The following VSIG10L2 variants were observed in gnomAD, a reference collection of about 807,000 sequenced individuals.
VSIG10L2 encodes V-set and immunoglobulin domain-containing protein 10-like 2.
A neutral mutation model predicts 67.1 loss-of-function variants in VSIG10L2; 56 were observed. The ratio of observed to expected loss-of-function variants is 0.83; its 90% CI spans 0.67 to 1.04. VSIG10L2 has a LOEUF of 1.04. VSIG10L2 is among the 50% of genes least tolerant of loss of function. VSIG10L2 has a pLI of 0.00. For synonymous variants in VSIG10L2, 360 were observed against 396.6 expected (o/e 0.91, Z 1.10); for missense variants, 843 against 932.8 (o/e 0.90, Z 1.25).
chr11:125,948,325 G>A lies in VSIG10L2; in HGVS notation c.454G>A (p.Val152Met). 1 of 1,232,626 alleles carries A rather than the reference G, an allele frequency of 8.1e-7. No homozygotes were observed. Among genetic ancestry groups the A allele is most frequent in the Non-Finnish European group, 1.0e-6 (1 of 988,342 alleles). 76.4% of individuals were successfully genotyped at this position (1,232,626 alleles called of 1,614,324 possible). ...AVLVPVSKPQ[V>M]RLSNPSPVEG... ...GCCAGTGCCGGTGTCCAAGCCTCAAGTGCGACTGAGTAACCCGTCCCCTGT... is the reference window on the plus strand; with the variant it reads ...GCCAGTGCCGGTGTCCAAGCCTCAAATGCGACTGAGTAACCCGTCCCCTGT... Residue 152 changes from valine to methionine, a missense_variant, in exon 3 of 12, where the codon GTG (valine) becomes ATG (methionine). Val to Met is a conservative substitution (Grantham distance 21). This residue lies in a region of VSIG10L2 where 446 missense variants were observed against 548.4 expected (regional missense o/e 0.81). Transcript: ENST00000686984.
chr11:125,949,502 A>G (rs1945337476), intron 3 of VSIG10L2, among the ~76,000 whole-genome samples: 1 of 152,110 alleles, frequency 6.6e-6, no homozygotes, highest in Non-Finnish European at 1.5e-5. Context: ...AGCAGACTGG[A>G]AGTAGGCAAA....
intron 11 of VSIG10L2, 62 bp from the exon 12 acceptor site, chr11:125,955,755 T>C: frequency 8.8e-7 from 1 of 1,138,578 alleles, no homozygotes; most frequent in Admixed American, 2.0e-5. Flanking sequence ...TCTTGAGCTC[T>C]GGGAACACTT....
chr11:125,948,967 T>C (rs1000181197), intron 3 of VSIG10L2, among the ~76,000 whole-genome samples: 25 of 152,150 alleles, frequency 1.6e-4, no homozygotes, highest in African/African-American at 5.8e-4. Context: ...AGCCTGAAGT[T>C]AGAAGTCAGG....
intron 11 of VSIG10L2, 21 bp from the exon 12 acceptor site, chr11:125,955,796 G>C (rs528992814): frequency 1.2e-6 from 1 of 841,680 alleles, no homozygotes; most frequent in Non-Finnish European, 1.9e-6. Flanking sequence ...TCTGTTCTTT[G>C]CCCACATATG....
Position 125,951,810 on chromosome 11 carries a change from C to A in VSIG10L2, c.1235-3C>A. On this transcript the variant is annotated splice_region_variant and splice_polypyrimidine_tract_variant and intron_variant, in intron 5 of 11. Transcript: ENST00000686984. ...GGCCATACTGAGCCATCATTCCTTC[C>A]AGGGGAGCCTCTCGGGAGGCCTACC... 6.7e-7 allele frequency: 1 copy of A among 1,493,570 alleles called. No homozygotes were observed. 92.5% of individuals were successfully genotyped at this position (1,493,570 alleles called of 1,614,324 possible). A position where few individuals can be genotyped will look rare whatever the true frequency, so the allele number is the denominator to read the frequency against.
At chr11:125,950,710 G>T (rs988616650) in intron 4 of VSIG10L2, among the ~76,000 whole-genome samples, 200 bp from the exon 5 acceptor site, 1 of 152,012 alleles carries the variant, frequency 6.6e-6, no homozygotes, top group Non-Finnish European at 1.5e-5. Context: ...CTGTACACTC[G>T]GTAACCTCCT....
At chr11:125,950,500 GA>G (rs1364254589) in intron 4 of VSIG10L2, among the ~76,000 whole-genome samples, 1 of 152,084 alleles carries the variant, frequency 6.6e-6, no homozygotes, top group Non-Finnish European at 1.5e-5. Context: ...AAGGGGAAGG[GA>G]GGGGGAAGCT....
Position 125,947,842 on chromosome 11 carries a change from T to G in VSIG10L2, c.239T>G (p.Val80Gly). Residue 80 changes from valine (V) to glycine (G), a missense_variant, in exon 2 of 12, where the codon GTG becomes GGG. Transcript: ENST00000686984. ...CTGGGCTCCCTGGTTCCCCGGCCTG[T>G]GGCCGTCACCGATGGAGCCATGTCC... Reference protein sequence around the residue: ...TPLGSLVPRPVAVTDGAMSKV... With the variant: ...TPLGSLVPRPGAVTDGAMSKV... 2 of 1,232,356 alleles carry G rather than the reference T, an allele frequency of 1.6e-6. No homozygotes were observed. The highest frequency in any genetic ancestry group is 2.0e-6 in the Non-Finnish European group (2 of 988,118). 76.3% of individuals were successfully genotyped at this position (1,232,356 alleles called of 1,614,324 possible).
rs1456344767 is a variant in VSIG10L2 at position 125,955,061 on chromosome 11, C to A, written c.2088C>A (p.Asp696Glu). ...GHPSEVKIPA[D>E]PPFSAYPAVL... ...ACCTGTGCTCTCCCCTCCTAGCGGACCCCCCCTTCAGCGCCTACCCAGCGG... is the reference window on the plus strand; with the variant it reads ...ACCTGTGCTCTCCCCTCCTAGCGGAACCCCCCTTCAGCGCCTACCCAGCGG... The change falls in exon 9 of 12, where the codon GAC (aspartate) becomes GAA (glutamate). Residue 696 changes from aspartate to glutamate, a missense_variant. By Grantham distance (45) the Asp-to-Glu change is conservative (BLOSUM62 2). Transcript: ENST00000686984. The A allele has an allele frequency of 7.3e-6, 9 of 1,234,348 alleles. No homozygotes were observed. Among genetic ancestry groups the A allele is most frequent in the African/African-American group, 4.7e-5 (3 of 64,408 alleles). 76.5% of individuals were successfully genotyped at this position (1,234,348 alleles called of 1,614,324 possible). A position where few individuals can be genotyped will look rare whatever the true frequency, so the allele number is the denominator to read the frequency against.
Position 125,951,836 on chromosome 11 carries a change from T to G in VSIG10L2, c.1258T>G (p.Cys420Gly). 6.6e-7 allele frequency: 1 copy of G among 1,517,648 alleles called. No homozygotes were observed. Among genetic ancestry groups the G allele is most frequent in the Non-Finnish European group, 8.8e-7 (1 of 1,135,386 alleles). 94.0% of individuals were successfully genotyped at this position (1,517,648 alleles called of 1,614,324 possible). ...AGGGGAGCCTCTCGGGAGGCCTACC[T>G]GCTGGAGCACAGCCACAATGGGGGA... ...MLWEPLGRPTCWSTATMGDQF... is the reference protein window; with the variant it reads ...MLWEPLGRPTGWSTATMGDQF... Residue 420 changes from cysteine to glycine, a missense_variant, in exon 6 of 12, where the codon TGC (cysteine) becomes GGC (glycine). Cys to Gly is a radical substitution (Grantham distance 159). This residue lies in a region of VSIG10L2 where 446 missense variants were observed against 548.4 expected (regional missense o/e 0.81). Coordinates refer to ENST00000686984, the MANE Select transcript of VSIG10L2 (RefSeq NM_001365077.2).
chr11:125,955,629 A>G lies in VSIG10L2; in HGVS notation c.2246A>G (p.Gln749Arg), dbSNP rs756692832. The G allele has an allele frequency of 1.4e-5, 22 of 1,531,052 alleles. No homozygotes were observed. The highest frequency in any genetic ancestry group is 6.9e-5 in the African/African-American group (5 of 72,970). 94.8% of individuals were successfully genotyped at this position (1,531,052 alleles called of 1,614,324 possible). A position where few individuals can be genotyped will look rare whatever the true frequency, so the allele number is the denominator to read the frequency against. Residue 749 changes from glutamine (Q) to arginine (R), a missense_variant, in exon 11 of 12, where the codon CAA (glutamine) becomes CGA (arginine). Around this residue, in one of 2 missense-constraint regions of VSIG10L2, gnomAD observed 397 missense variants for 384.4 expected, o/e 1.03. Transcript: ENST00000686984. ...QLLVPTEQRH[Q>R]QRGSREDAEA... ...TTCACTCTCAGGGAGCAAAGGCACCAACAGAGGGGTTCCAGAGAAGATGCT... is the reference window on the plus strand; with the variant it reads ...TTCACTCTCAGGGAGCAAAGGCACCGACAGAGGGGTTCCAGAGAAGATGCT...
At chr11:125,952,716 T>C (rs574339140) in intron 6 of VSIG10L2, among the ~76,000 whole-genome samples, 14 of 152,368 alleles carry the variant, frequency 9.2e-5, no homozygotes, top group African/African-American at 3.1e-4. Context: ...CTTATCTTCA[T>C]CTGGCTCTGC....
rs1279263399 is a variant in VSIG10L2 at position 125,955,716 on chromosome 11, G to A, written c.2284+49G>A. On this transcript the variant is annotated intron_variant, in intron 11 of 11. Coordinates refer to ENST00000686984, the MANE Select transcript of VSIG10L2 (RefSeq NM_001365077.2). Reference sequence around the variant, plus strand: ...ACGACTCGTGTACAAGGAGACCAGTGCTGGGTGCTGAGGGTGATGCTTGGT... The same window carrying A: ...ACGACTCGTGTACAAGGAGACCAGTACTGGGTGCTGAGGGTGATGCTTGGT... The A allele has an allele frequency of 4.8e-6, 7 of 1,454,418 alleles. No homozygotes were observed. In the South Asian group the frequency reaches 7.3e-5, roughly 15 times the overall value. The allele number at this position is 1,454,418 out of a possible 1,614,324, so 90.1% of individuals were successfully genotyped here.
chr11:125,952,074 G>T lies in VSIG10L2; in HGVS notation c.1495+1G>T, dbSNP rs1945384550. ...GACCCCCACTGCCACCTCCAGCTGGGTGAGTAGGGGCTAGCGAGTTTGTTC... is the reference window on the plus strand; with the variant it reads ...GACCCCCACTGCCACCTCCAGCTGGTTGAGTAGGGGCTAGCGAGTTTGTTC... On this transcript the variant is annotated splice_donor_variant, in intron 6 of 11. Coordinates refer to ENST00000686984, the MANE Select transcript of VSIG10L2 (RefSeq NM_001365077.2). LOFTEE classifies it high-confidence loss of function. 6.5e-7 allele frequency: 1 copy of T among 1,532,224 alleles called. No homozygotes were observed. Among genetic ancestry groups the T allele is most frequent in the African/African-American group, 1.4e-5 (1 of 73,004 alleles). 94.9% of individuals were successfully genotyped at this position (1,532,224 alleles called of 1,614,324 possible). A position where few individuals can be genotyped will look rare whatever the true frequency, so the allele number is the denominator to read the frequency against.
rs1363918629 is a variant in VSIG10L2, at chr11:125,954,178, C to T, written c.1878C>T (p.Pro626=). The T allele has an allele frequency of 2.7e-5, 33 of 1,232,232 alleles. No homozygotes were observed. The highest frequency in any genetic ancestry group is 8.2e-5 in the South Asian group (2 of 24,308). 76.3% of individuals were successfully genotyped at this position (1,232,232 alleles called of 1,614,324 possible). A position where few individuals can be genotyped will look rare whatever the true frequency, so the allele number is the denominator to read the frequency against. Residue 626 remains proline (P), a synonymous_variant, in exon 8 of 12, where the codon CCC becomes CCT. Coordinates refer to ENST00000686984, the MANE Select transcript of VSIG10L2 (RefSeq NM_001365077.2). The part of the protein sequence containing the change: ...EVQLQWAILG[P]GNLTGFLVQR... ...AGCTTCAATGGGCCATCTTAGGACC[C>T]GGGAACCTGACGGGCTTCCTGGTGC...
At position 125,955,073 on chromosome 11, in the gene VSIG10L2, C is replaced by T. The variant is rs559949305; in HGVS notation, c.2100C>T (p.Ser700=). The T allele has an allele frequency of 5.3e-5, 65 of 1,235,528 alleles. No homozygotes were observed. The East Asian group carries it at 1.0e-3, about 19-fold the overall frequency. 76.5% of individuals were successfully genotyped at this position (1,235,528 alleles called of 1,614,324 possible). Residue 700 remains serine, a synonymous_variant, in exon 9 of 12, where the codon AGC becomes AGT. Transcript: ENST00000686984. ...EVKIPADPPF[S]AYPAVLGAAG... ...CCCTCCTAGCGGACCCCCCCTTCAG[C>T]GCCTACCCAGCGGTGTTGGGTGCAG...
At position 125,950,355 on chromosome 11, in the gene VSIG10L2, G is replaced by C. The variant is rs1484300580; in HGVS notation, c.985+66G>C. The C allele has an allele frequency of 2.4e-6, 3 of 1,229,200 alleles. No homozygotes were observed. The East Asian group carries it at 9.5e-5, about 39-fold the overall frequency. The allele number at this position is 1,229,200 out of a possible 1,614,324, so 76.1% of individuals were successfully genotyped here. On this transcript the variant is annotated intron_variant, in intron 4 of 11. Coordinates refer to ENST00000686984, the MANE Select transcript of VSIG10L2 (RefSeq NM_001365077.2). ...GACAACTCACGCTGGAGCCTTTGTG[G>C]GGCTGTTCTGGGGCAGACCCCGCCG...
rs1316030807 is a variant in VSIG10L2, at chr11:125,954,072, CCCA to C, written c.1787-12_1787-10del. ...AGGTATACATGTCCCTTGTTTTGTC[CCCA>C]CCCTCACCCAGGATATCCAGCTCCT... is the stretch of plus-strand genomic sequence containing the variant. On this transcript the variant is annotated splice_polypyrimidine_tract_variant and intron_variant, in intron 7 of 11. Transcript: ENST00000686984. 1 of 1,231,928 alleles carries C rather than the reference CCCA, an allele frequency of 8.1e-7. No individual in the cohort carries two copies. Among genetic ancestry groups the C allele is most frequent in the African/African-American group, 1.6e-5 (1 of 64,368 alleles). The allele number at this position is 1,231,928 out of a possible 1,614,324, so 76.3% of individuals were successfully genotyped here. A position where few individuals can be genotyped will look rare whatever the true frequency, so the allele number is the denominator to read the frequency against.
Position 125,953,425 on chromosome 11 carries a change from G to T in VSIG10L2, c.1521G>T (p.Glu507Asp), listed in dbSNP as rs1426214381. 7.3e-6 allele frequency: 9 copies of T among 1,232,322 alleles called. No homozygotes were observed. Among genetic ancestry groups the T allele is most frequent in the Non-Finnish European group, 9.1e-6 (9 of 988,214 alleles). The allele number at this position is 1,232,322 out of a possible 1,614,324, so 76.3% of individuals were successfully genotyped here. Reference sequence around the variant, plus strand: ...AAGCCCCACAGCTGGACGTGGCTGAGCCCCGCGTGTCAGTGTTGGAGGGGG... The same window carrying T: ...AAGCCCCACAGCTGGACGTGGCTGATCCCCGCGTGTCAGTGTTGGAGGGGG... ...QLEAPQLDVA[E>D]PRVSVLEGGE... Residue 507 changes from glutamate (E) to aspartate (D), a missense_variant, in exon 7 of 12, where the codon GAG becomes GAT. Coordinates refer to ENST00000686984, the MANE Select transcript of VSIG10L2 (RefSeq NM_001365077.2).
Sources: gnomAD v4.1 joint callset for allele counts (sites outside exome capture counted in the v4.1 genomes callset) on GRCh38, gnomAD v4.1.1 for gene constraint, gnomAD v4.1.1 regional missense constraint, MANE v1.5 for transcripts, NCBI Gene and HGNC (gene_info 2026-07-23, HGNC 2026-07-21) for gene names.